Variants in BAZ2B observed in about 807,000 individuals in gnomAD.
The protein encoded by BAZ2B is bromodomain adjacent to zinc finger domain 2B.
BAZ2B carries 91 observed loss-of-function variants against 246.0 expected under a neutral mutation model. The observed-to-expected ratio is 0.37, with a 90% CI of 0.31 to 0.44. The LOEUF is 0.44. Ranked by LOEUF, BAZ2B falls within the 20% of genes least tolerant of loss-of-function variation. The pLI is 1.00. For synonymous variants in BAZ2B, 855 were observed against 860.0 expected, an observed-to-expected ratio of 0.99 and a Z score of 0.10; for missense variants, 2,332 against 2,533.7, an observed-to-expected ratio of 0.92 and a Z score of 1.71.
chr2:159,592,782 C>T (rs1180026619), intron 1 of BAZ2B, among the ~76,000 whole-genome samples: 1 of 152,194 alleles, frequency 6.6e-6, no homozygotes, highest in African/African-American at 2.4e-5. Flanking sequence ...GCGTGACAGC[C>T]ACCTCTTGAG....
At chr2:159,477,901 C>T (rs1048792599) in intron 3 of BAZ2B, among the ~76,000 whole-genome samples, 5 of 152,184 alleles carry the variant, frequency 3.3e-5, no homozygotes, top group African/African-American at 1.2e-4. Context: ...TGGTTCACTG[C>T]AATCTCCATC....
intron 17 of BAZ2B, among the ~76,000 whole-genome samples, chr2:159,400,101 T>G (rs139078484): frequency 0.014 from 2,146 of 152,360 alleles, 37 homozygotes; most frequent in Middle Eastern, 0.071. Flanking sequence ...TTTTGCCTAT[T>G]ACTTTTGCTG....
chr2:159,661,435 C>A, the BAZ2B span, among the ~76,000 whole-genome samples: 1 of 152,148 alleles, frequency 6.6e-6, no homozygotes, highest in African/African-American at 2.4e-5. Flanking sequence ...CCCATATCCT[C>A]TTTTTTTCTT....
the BAZ2B span, among the ~76,000 whole-genome samples, chr2:159,647,601 A>C: frequency 6.6e-6 from 1 of 152,174 alleles, no homozygotes; most frequent in Non-Finnish European, 1.5e-5. Flanking sequence ...ATTAACCATC[A>C]CAGTTAGCCA....
intron 1 of BAZ2B, among the ~76,000 whole-genome samples, chr2:159,573,246 T>C (rs935780019): frequency 3.9e-5 from 6 of 152,194 alleles, no homozygotes; most frequent in African/African-American, 1.4e-4. Context: ...AGGCTCACAC[T>C]TTCTGATTTC....
At chr2:159,542,425 A>G (rs1559732494) in intron 2 of BAZ2B, among the ~76,000 whole-genome samples, 2 of 152,190 alleles carry the variant, frequency 1.3e-5, no homozygotes, top group African/African-American at 4.8e-5. Context: ...GAAAATCTTG[A>G]AGGCAGCAAG....
At chr2:159,363,809 T>C (rs1016763322) in intron 27 of BAZ2B, among the ~76,000 whole-genome samples, 2 of 152,142 alleles carry the variant, frequency 1.3e-5, no homozygotes, top group Non-Finnish European at 2.9e-5. Context: ...TGATACTGAA[T>C]AGTTTACAGA....
intron 2 of BAZ2B, among the ~76,000 whole-genome samples, chr2:159,537,305 T>C (rs944811742): frequency 1.3e-5 from 2 of 152,192 alleles, no homozygotes; most frequent in African/African-American, 2.4e-5. Flanking sequence ...CTTTTAGTTT[T>C]GAAAGATGAA....
At chr2:159,410,256 T>C (rs1219088067) in intron 14 of BAZ2B, among the ~76,000 whole-genome samples, 1 of 152,174 alleles carries the variant, frequency 6.6e-6, no homozygotes, top group Non-Finnish European at 1.5e-5. Flanking sequence ...AGTAACTCTT[T>C]GGGATGAAAG....
intron 4 of BAZ2B, among the ~76,000 whole-genome samples, chr2:159,453,289 T>C (rs1356093717): frequency 6.6e-6 from 1 of 152,140 alleles, no homozygotes; most frequent in East Asian, 1.9e-4. Flanking sequence ...TTAATTCAAC[T>C]CTACATTTAC....
In BAZ2B at chr2:159,362,131, A is replaced by G. The variant is rs528018502; in HGVS notation, c.4213+10914T>C. Among the ~76,000 whole-genome samples, 40 of 150,834 alleles carry G rather than the reference A, an allele frequency of 2.7e-4. 1 individual carries two copies. The South Asian group carries it at 8.5e-3, about 32-fold the overall frequency. ...GAAACAAAAGAAAACAAAACAAAAAACAAACAAATTAAAAAAAAACAGTGA... is the reference window on the plus strand; with the variant it reads ...GAAACAAAAGAAAACAAAACAAAAAGCAAACAAATTAAAAAAAAACAGTGA... On this transcript the variant is annotated intron_variant, in intron 27 of 36. Coordinates refer to ENST00000392783, the MANE Select transcript of BAZ2B (RefSeq NM_013450.4).
intron 27 of BAZ2B, among the ~76,000 whole-genome samples, chr2:159,364,767 GT>G (rs771465067): frequency 1.1e-4 from 16 of 152,192 alleles, no homozygotes; most frequent in Non-Finnish European, 2.1e-4. Flanking sequence ...GTCGGCAGAT[GT>G]TGTGTGACAC....
At chr2:159,353,586 G>A (rs1300269260) in intron 27 of BAZ2B, among the ~76,000 whole-genome samples, 1 of 152,228 alleles carries the variant, frequency 6.6e-6, no homozygotes, top group East Asian at 1.9e-4. Flanking sequence ...GTGATCTGCA[G>A]AGGAACCCCT....
chr2:159,373,840 CA>C (rs907094445), intron 26 of BAZ2B, among the ~76,000 whole-genome samples: 1 of 151,960 alleles, frequency 6.6e-6, no homozygotes, highest in Non-Finnish European at 1.5e-5. Flanking sequence ...CAAAGCAAAA[CA>C]AAAAACAAAT....
chr2:159,637,548 G>C, the BAZ2B span, among the ~76,000 whole-genome samples: 2 of 152,096 alleles, frequency 1.3e-5, no homozygotes, highest in Non-Finnish European at 2.9e-5. Context: ...TAAAACATCA[G>C]GTAAATTGCT....
chr2:159,507,761 T>C (rs1184227530), intron 2 of BAZ2B, among the ~76,000 whole-genome samples: 2 of 152,178 alleles, frequency 1.3e-5, no homozygotes, highest in African/African-American at 4.8e-5. Context: ...AAAGGTATGA[T>C]TACTTTTAAA....
the BAZ2B span, among the ~76,000 whole-genome samples, chr2:159,627,015 T>C: frequency 6.6e-6 from 1 of 152,102 alleles, no homozygotes; most frequent in Non-Finnish European, 1.5e-5. Flanking sequence ...ACATACAAAC[T>C]ACCATCAGAG....
intron 2 of BAZ2B, among the ~76,000 whole-genome samples, chr2:159,527,318 T>G (rs2084864514): frequency 6.6e-6 from 1 of 152,178 alleles, no homozygotes; most frequent in South Asian, 2.1e-4. Context: ...TTTTTACTAT[T>G]GAGTTTTTAG....
At chr2:159,362,641 T>C (rs1220876336) in intron 27 of BAZ2B, among the ~76,000 whole-genome samples, 1 of 152,212 alleles carries the variant, frequency 6.6e-6, no homozygotes, top group Non-Finnish European at 1.5e-5. Flanking sequence ...ATGTCATGGC[T>C]TTCTGAAAGA....
Sources: gnomAD v4.1 joint callset for allele counts (sites outside exome capture counted in the v4.1 genomes callset) on GRCh38, gnomAD v4.1.1 for gene constraint, MANE v1.5 for transcripts, NCBI Gene and HGNC (gene_info 2026-07-23, HGNC 2026-07-21) for gene names.